Variants in SLC8A3 observed in about 807,000 individuals in gnomAD.
SLC8A3 encodes solute carrier family 8 member A3.
In SLC8A3, 37 loss-of-function variants were observed where a neutral mutation model predicts 65.4. The ratio of observed to expected loss-of-function variants is 0.57; its 90% CI spans 0.44 to 0.74. The LOEUF is 0.74. Among genes scored for constraint, SLC8A3 ranks in the 30% least tolerant of loss-of-function variants. The probability of loss-of-function intolerance (pLI) is 0.00; values close to 1 mark genes in which losing one functional copy is unlikely to be tolerated. For synonymous variants in SLC8A3, 461 were observed against 444.5 expected, an observed-to-expected ratio of 1.04 and a Z score of -0.47; for missense variants, 1,112 against 1,172.1, an observed-to-expected ratio of 0.95 and a Z score of 0.75.
At chr14:70,153,452 G>A (rs1896392734) in intron 2 of SLC8A3, among the ~76,000 whole-genome samples, 1 of 152,118 alleles carries the variant, frequency 6.6e-6, no homozygotes, top group Non-Finnish European at 1.5e-5. Flanking sequence ...GACTGGAGGA[G>A]GGGGTTGTGC....
intron 1 of SLC8A3, among the ~76,000 whole-genome samples, chr14:70,186,219 G>C (rs1883204887): frequency 6.6e-6 from 1 of 152,114 alleles, no homozygotes. Context: ...TGTGAAGAAG[G>C]ACATGTTTGC....
chr14:70,044,513 C>T lies in SLC8A3; in HGVS notation c.*1434G>A, dbSNP rs975319054. 2 of 151,874 alleles carry T rather than the reference C, an allele frequency of 1.3e-5. No homozygotes were observed. Among genetic ancestry groups the T allele is most frequent in the Admixed American group, 6.6e-5 (1 of 15,232 alleles). The allele number at this position is 151,874 out of a possible 1,614,324, so 9.4% of individuals were successfully genotyped here. Reference sequence around the variant, plus strand: ...TTTAAAGCCAGGTCCTTCCCACATTCGTTGAGAAAAGGTCTGTAGGGCACG... The same window carrying T: ...TTTAAAGCCAGGTCCTTCCCACATTTGTTGAGAAAAGGTCTGTAGGGCACG... On this transcript the variant is annotated 3_prime_UTR_variant, in exon 7 of 7. Transcript: ENST00000356921.
At chr14:70,100,484 C>T (rs563236362) in intron 2 of SLC8A3, among the ~76,000 whole-genome samples, 1 of 152,288 alleles carries the variant, frequency 6.6e-6, no homozygotes, top group Admixed American at 6.5e-5. Flanking sequence ...GTTTAAGATG[C>T]ATTTTTGCAA....
intron 2 of SLC8A3, among the ~76,000 whole-genome samples, chr14:70,075,917 C>T (rs1890472098): frequency 6.6e-6 from 1 of 152,190 alleles, no homozygotes; most frequent in African/African-American, 2.4e-5. Context: ...GTTTGTGACT[C>T]AGCAGGTCTG....
rs1485278289 is a variant in SLC8A3, at chr14:70,046,323, T to A, written c.2390A>T (p.Asp797Val). The A allele has an allele frequency of 3.1e-6, 5 of 1,601,512 alleles. No homozygotes were observed. The highest frequency in any genetic ancestry group is 4.3e-6 in the Non-Finnish European group (5 of 1,172,830). The stretch of plus-strand genomic sequence containing the variant: ...GGCAGCAGCTTTGCTGGCAAACGTA[T>A]CTGGAAAAGGACAAAGACACATGGG... ...VFVAFGTSVPDTFASKAAALQ... is the reference protein window; with the variant it reads ...VFVAFGTSVPVTFASKAAALQ... The change falls in exon 7 of 7, where the codon GAT becomes GTT. Residue 797 changes from aspartate (D) to valine (V), a missense_variant and splice_region_variant. By Grantham distance (152) the Asp-to-Val change is radical. Coordinates refer to ENST00000356921, the MANE Select transcript of SLC8A3 (RefSeq NM_182932.3). This position sits in a 1 kb window ranked among gnomAD's most constrained non-coding sequence, Gnocchi z 4.2.
At chr14:70,070,491 C>G (rs1212623137) in intron 2 of SLC8A3, among the ~76,000 whole-genome samples, 6 of 152,168 alleles carry the variant, frequency 3.9e-5, no homozygotes. Context: ...CAGTGTGGCT[C>G]TAAAGATTTT....
At position 70,167,851 on chromosome 14, in the gene SLC8A3, T is replaced by C. The variant is rs79418648; in HGVS notation, c.572A>G (p.Asp191Gly). 4.3e-4 allele frequency: 689 copies of C among 1,614,124 alleles called. 1 individual carries two copies. In the African/African-American group the frequency reaches 8.2e-3, roughly 19 times the overall value. Residue 191 changes from aspartate to glycine, a missense_variant, in exon 2 of 7, where the codon GAC (aspartate) becomes GGC (glycine). By Grantham distance (94) the Asp-to-Gly change is moderately conservative (BLOSUM62 -1). Transcript: ENST00000356921. Reference protein sequence around the residue: ...IIGICVYVIPDGETRKIKHLR... With the variant: ...IIGICVYVIPGGETRKIKHLR... ...ATGCTTGATCTTGCGAGTCTCTCCGTCTGGGATCACGTAGACACAGATGCC... is the reference window on the plus strand; with the variant it reads ...ATGCTTGATCTTGCGAGTCTCTCCGCCTGGGATCACGTAGACACAGATGCC...
chr14:70,069,664 C>G (rs1048020153), intron 2 of SLC8A3, among the ~76,000 whole-genome samples: 5 of 152,176 alleles, frequency 3.3e-5, no homozygotes, highest in African/African-American at 1.2e-4. Flanking sequence ...CTGAACCCCC[C>G]ACCGCCACCT....
intron 2 of SLC8A3, among the ~76,000 whole-genome samples, chr14:70,123,056 C>G (rs61977443): frequency 0.13 from 16,632 of 130,204 alleles, 1,153 homozygotes; most frequent in Middle Eastern, 0.18. Flanking sequence ...TGGGGCGACA[C>G]AGCAAGACTC....
At chr14:70,064,450 T>A (rs947772639) in intron 2 of SLC8A3, among the ~76,000 whole-genome samples, 2 of 151,832 alleles carry the variant, frequency 1.3e-5, no homozygotes, top group Non-Finnish European at 2.9e-5. Flanking sequence ...GACAAACTGG[T>A]TTGTGGAAAT....
At chr14:70,138,258 C>T (rs1286302329) in intron 2 of SLC8A3, among the ~76,000 whole-genome samples, 2 of 152,136 alleles carry the variant, frequency 1.3e-5, no homozygotes, top group Admixed American at 6.5e-5. Flanking sequence ...AAGGGACTTT[C>T]GATAACTAGA....
chr14:70,176,467 T>C (rs2877624), intron 1 of SLC8A3, among the ~76,000 whole-genome samples: 104,054 of 152,092 alleles, frequency 0.68, 35,803 homozygotes, highest in Admixed American at 0.72. Context: ...TGAAAAGTTC[T>C]TTTATTGATT....
At chr14:70,158,757 A>G (rs887924624) in intron 2 of SLC8A3, among the ~76,000 whole-genome samples, 1 of 152,170 alleles carries the variant, frequency 6.6e-6, no homozygotes, top group African/African-American at 2.4e-5. Flanking sequence ...TTTTTCCATA[A>G]TAAGTTCCAC....
intron 1 of SLC8A3, among the ~76,000 whole-genome samples, chr14:70,176,972 T>G (rs974625865): frequency 6.6e-6 from 1 of 152,268 alleles, no homozygotes. Flanking sequence ...ATTTATTCAT[T>G]CATGCATGCA....
chr14:70,145,468 G>A (rs751815707), intron 2 of SLC8A3, among the ~76,000 whole-genome samples: 1 of 152,220 alleles, frequency 6.6e-6, no homozygotes, highest in Admixed American at 6.5e-5. Context: ...ATGGAATCAG[G>A]TCTGCTGTTT....
intron 2 of SLC8A3, among the ~76,000 whole-genome samples, chr14:70,121,490 G>GA (rs1294057030): frequency 8.5e-5 from 13 of 152,326 alleles, no homozygotes; most frequent in African/African-American, 3.1e-4. Context: ...TGGTTGCTGA[G>GA]AAACCACTGG....
intron 2 of SLC8A3, among the ~76,000 whole-genome samples, chr14:70,160,873 G>C (rs1338410673): frequency 1.0e-5 from 1 of 96,604 alleles, no homozygotes; most frequent in South Asian, 4.4e-4. Flanking sequence ...AAGAAGAAAA[G>C]AGACAAAAAA....
chr14:70,044,807 C>T lies in SLC8A3; in HGVS notation c.*1140G>A, dbSNP rs1316445353. ...ACCACTTCAAGAAATATAGTCAGCCCTCTTTGTATAGAGCATTAGGAAGCA... is the reference window on the plus strand; with the variant it reads ...ACCACTTCAAGAAATATAGTCAGCCTTCTTTGTATAGAGCATTAGGAAGCA... On this transcript the variant is annotated 3_prime_UTR_variant, in exon 7 of 7. Transcript: ENST00000356921. The T allele has an allele frequency of 6.6e-6, 1 of 152,188 alleles. No individual in the cohort carries two copies. The highest frequency in any genetic ancestry group is 1.5e-5 in the Non-Finnish European group (1 of 68,030). The allele number at this position is 152,188 out of a possible 1,614,324, so 9.4% of individuals were successfully genotyped here.
chr14:70,094,664 C>T (rs923065194), intron 2 of SLC8A3, among the ~76,000 whole-genome samples: 1 of 152,218 alleles, frequency 6.6e-6, no homozygotes, highest in Non-Finnish European at 1.5e-5. Context: ...TTCAGTTTGT[C>T]AGCCTGCTCA....
Sources: gnomAD v4.1 joint callset for allele counts (sites outside exome capture counted in the v4.1 genomes callset) on GRCh38, gnomAD v4.1.1 for gene constraint, Gnocchi (gnomAD v3.1) non-coding constraint, MANE v1.5 for transcripts, NCBI Gene and HGNC (gene_info 2026-07-23, HGNC 2026-07-21) for gene names.